RAB11FIP4: variants seen among roughly 807,000 people sequenced by gnomAD.
The protein encoded by RAB11FIP4 is RAB11 family interacting protein 4.
In RAB11FIP4, 23 loss-of-function variants were observed where a neutral mutation model predicts 74.3. The observed-to-expected ratio is 0.31, with a 90% CI of 0.22 to 0.44. The LOEUF (loss-of-function observed/expected upper bound fraction) is 0.44. Ranked by LOEUF, RAB11FIP4 falls within the 20% of genes least tolerant of loss-of-function variation. The pLI, the probability that RAB11FIP4 is intolerant of heterozygous loss-of-function variation, is 1.00. For missense variants in RAB11FIP4, 630 were observed against 863.9 expected, an observed-to-expected ratio of 0.73 and a Z score of 3.39; for synonymous variants, 360 against 359.9, an observed-to-expected ratio of 1.00 and a Z score of 0.00.
intron 3 of RAB11FIP4, among the ~76,000 whole-genome samples, chr17:31,466,554 A>C (rs1022705736): frequency 1.3e-5 from 2 of 152,128 alleles, no homozygotes; most frequent in Non-Finnish European, 2.9e-5. Context: ...GGTTATGCAG[A>C]CTCTGAGTAG....
chr17:31,531,704 A>G lies in RAB11FIP4; in HGVS notation c.1886A>G (p.Asn629Ser), dbSNP rs1305068247. 4 of 1,613,684 alleles carry G rather than the reference A, an allele frequency of 2.5e-6. No homozygotes were observed. The highest frequency in any genetic ancestry group is 3.4e-6 in the Non-Finnish European group (4 of 1,179,608). Residue 629 changes from asparagine (N) to serine (S), a missense_variant, in exon 15 of 15, where the codon AAT (asparagine) becomes AGT (serine). Transcript: ENST00000621161. ...DKIILAILDH[N>S]PSILEIKH ...ATTATCCTCGCCATCCTGGACCACA[A>G]TCCCTCCATCCTCGAGATCAAACAC...
At chr17:31,529,804 G>T (rs72817706) in intron 13 of RAB11FIP4, among the ~76,000 whole-genome samples, 22,503 of 152,186 alleles carry the variant, frequency 0.15, 1,747 homozygotes, top group East Asian at 0.28. Context: ...TAGTCTAGGG[G>T]TGGGGTGCCC....
At position 31,521,944 on chromosome 17, in the gene RAB11FIP4, ACGTGTACAACAG is replaced by A. The variant is rs2072674320; in HGVS notation, c.791_802del (p.Val264_Ser267del). 1 of 1,614,074 alleles carries A rather than the reference ACGTGTACAACAG, an allele frequency of 6.2e-7. No homozygotes were observed. Among genetic ancestry groups the A allele is most frequent in the African/African-American group, 1.3e-5 (1 of 74,912 alleles). On this transcript the variant is annotated inframe_deletion, in exon 6 of 15. Transcript: ENST00000621161. ...GGGCAGACGCCTAGGAAAATGCGGCACGTGTACAACAGCGAATTGCTAGATGTTTACTGCTCT... is the reference window on the plus strand; with the variant it reads ...GGGCAGACGCCTAGGAAAATGCGGCACGAATTGCTAGATGTTTACTGCTCT...
At chr17:31,397,004 A>G (rs1002091953) in intron 1 of RAB11FIP4, among the ~76,000 whole-genome samples, 6 of 152,062 alleles carry the variant, frequency 3.9e-5, no homozygotes, top group Non-Finnish European at 8.8e-5. Flanking sequence ...GGTCTTTGAA[A>G]TGGCAAAGGG....
At chr17:31,455,116 C>T (rs551551930) in intron 3 of RAB11FIP4, among the ~76,000 whole-genome samples, 5 of 152,210 alleles carry the variant, frequency 3.3e-5, no homozygotes, top group South Asian at 2.1e-4. Context: ...AAAAGGCATA[C>T]GAATTTTATT....
chr17:31,461,767 G>A (rs983241395), intron 3 of RAB11FIP4, among the ~76,000 whole-genome samples: 3 of 151,782 alleles, frequency 2.0e-5, no homozygotes, highest in African/African-American at 7.3e-5. Flanking sequence ...ACCCAGGCTG[G>A]AGTGCAGTGG....
At chr17:31,473,494 T>G (rs1456886707) in intron 3 of RAB11FIP4, among the ~76,000 whole-genome samples, 1 of 152,066 alleles carries the variant, frequency 6.6e-6, no homozygotes, top group Non-Finnish European at 1.5e-5. Context: ...TGAGCTGAGA[T>G]CACGCCACTG....
intron 1 of RAB11FIP4, among the ~76,000 whole-genome samples, chr17:31,393,374 G>A (rs1199023124): frequency 2.6e-5 from 4 of 152,312 alleles, no homozygotes; most frequent in Middle Eastern, 3.4e-3. Flanking sequence ...GGATAGTCGC[G>A]CTCCTTCCTC....
chr17:31,478,137 C>T (rs1029492876), intron 3 of RAB11FIP4, among the ~76,000 whole-genome samples: 5 of 151,698 alleles, frequency 3.3e-5, no homozygotes, highest in East Asian at 1.9e-4. Context: ...GGATTATAGG[C>T]GACCACCACC....
Position 31,459,157 on chromosome 17 carries a change from G to A in RAB11FIP4, c.336+25035G>A, listed in dbSNP as rs187093879. 4.0e-3 allele frequency among the ~76,000 whole-genome samples: 603 copies of A among 151,984 alleles called. 8 individuals are homozygous for A. Among genetic ancestry groups the A allele is most frequent in the African/African-American group, 0.013 (537 of 41,438 alleles). Reference sequence around the variant, plus strand: ...TAGTATTGCCTACACCCCCTGCCCCGTGTCAATTCCCCAGTCCTACCCACC... The same window carrying A: ...TAGTATTGCCTACACCCCCTGCCCCATGTCAATTCCCCAGTCCTACCCACC... On this transcript the variant is annotated intron_variant, in intron 3 of 14. Transcript: ENST00000621161.
intron 3 of RAB11FIP4, chr17:31,488,149 T>G: frequency 9.5e-7 from 1 of 1,053,194 alleles, no homozygotes; most frequent in Non-Finnish European, 1.1e-6. Context: ...GCGGCCGCGA[T>G]TGTTCCTGCG....
chr17:31,412,625 G>C (rs947218669), intron 1 of RAB11FIP4, among the ~76,000 whole-genome samples: 1 of 152,198 alleles, frequency 6.6e-6, no homozygotes, highest in Non-Finnish European at 1.5e-5. Context: ...AGGAAGGGGC[G>C]GGGCCACCTT....
chr17:31,489,148 C>T (rs1203650675), intron 3 of RAB11FIP4, among the ~76,000 whole-genome samples: 1 of 152,228 alleles, frequency 6.6e-6, no homozygotes, highest in African/African-American at 2.4e-5. Flanking sequence ...ACTTAGCCTC[C>T]ACCAGGTCTT....
At chr17:31,414,891 A>C (rs559033791) in intron 1 of RAB11FIP4, among the ~76,000 whole-genome samples, 43 of 152,348 alleles carry the variant, frequency 2.8e-4, no homozygotes, top group Non-Finnish European at 4.9e-4. Flanking sequence ...TCTTCCTTAT[A>C]ACACAAGGGT....
chr17:31,455,074 A>G (rs533395593), intron 3 of RAB11FIP4, among the ~76,000 whole-genome samples: 9 of 152,334 alleles, frequency 5.9e-5, no homozygotes, highest in African/African-American at 1.9e-4. Flanking sequence ...TGCAGTCTGC[A>G]AATAAAATTG....
At chr17:31,480,227 C>T (rs1379619992) in intron 3 of RAB11FIP4, among the ~76,000 whole-genome samples, 2 of 152,176 alleles carry the variant, frequency 1.3e-5, no homozygotes, top group Non-Finnish European at 2.9e-5. Context: ...TGACAGATTA[C>T]TGCCTCACTC....
At position 31,524,024 on chromosome 17, in the gene RAB11FIP4, C is replaced by T. The variant is rs184371148; in HGVS notation, c.1133+28C>T. 4.9e-4 allele frequency: 744 copies of T among 1,531,548 alleles called. No individual in the cohort carries two copies. The Middle Eastern group carries it at 6.8e-3, about 14-fold the overall frequency. The allele number at this position is 1,531,548 out of a possible 1,614,324, so 94.9% of individuals were successfully genotyped here. A position where few individuals can be genotyped will look rare whatever the true frequency, so the allele number is the denominator to read the frequency against. On this transcript the variant is annotated intron_variant, in intron 9 of 14. Coordinates refer to ENST00000621161, the MANE Select transcript of RAB11FIP4 (RefSeq NM_032932.6). The stretch of plus-strand genomic sequence containing the variant: ...CAAGCAGGCAGCGGCGCTGGGGGCT[C>T]GGCCGTGACGCTGGGGAACAAAGGG...
chr17:31,445,580 T>TATATATA (rs2071454726), intron 3 of RAB11FIP4, among the ~76,000 whole-genome samples: 1 of 8,986 alleles, frequency 1.1e-4, no homozygotes, highest in East Asian at 4.6e-3. Flanking sequence ...ATATATATAT[T>TATATATA]TTTTTTTTTT....
chr17:31,481,910 C>CA (rs1392258361), intron 3 of RAB11FIP4, among the ~76,000 whole-genome samples: 5 of 152,188 alleles, frequency 3.3e-5, no homozygotes, highest in African/African-American at 1.2e-4. Flanking sequence ...AGCATCCAGC[C>CA]AGATGTTACA....
Sources: allele counts gnomAD v4.1 joint callset (sites outside exome capture counted in the v4.1 genomes callset), GRCh38; gene constraint gnomAD v4.1.1; transcripts MANE v1.5; gene names NCBI Gene and HGNC (gene_info 2026-07-23, HGNC 2026-07-21).